The following LRMDA variants were observed in gnomAD, a reference collection of about 807,000 sequenced individuals.
The protein encoded by LRMDA is leucine rich melanocyte differentiation associated.
In LRMDA, 18 loss-of-function variants were observed where a neutral mutation model predicts 29.8. The ratio of observed to expected loss-of-function variants is 0.60; its 90% confidence interval spans 0.42 to 0.90. The LOEUF (loss-of-function observed/expected upper bound fraction) is 0.90. LRMDA is among the 40% of genes least tolerant of loss of function. The probability of loss-of-function intolerance (pLI) is 0.00; values close to 1 mark genes in which losing one functional copy is unlikely to be tolerated. For missense variants in LRMDA, 273 were observed against 273.9 expected, an observed-to-expected ratio of 1.00 and a Z score of 0.02; for synonymous variants, 125 against 109.4, an observed-to-expected ratio of 1.14 and a Z score of -0.89.
At chr10:76,043,969 C>T (rs1026788173) in intron 3 of LRMDA, among the ~76,000 whole-genome samples, 19 of 152,182 alleles carry the variant, frequency 1.2e-4, no homozygotes, top group Admixed American at 1.0e-3. Context: ...TTCCCTCAGT[C>T]GTGTAGGGCC....
chr10:75,523,611 G>A (rs1383867391), intron 2 of LRMDA, among the ~76,000 whole-genome samples: 1 of 152,144 alleles, frequency 6.6e-6, no homozygotes, highest in Non-Finnish European at 1.5e-5. Flanking sequence ...TTAATTTATT[G>A]TCCAAATCAG....
intron 2 of LRMDA, among the ~76,000 whole-genome samples, chr10:75,982,588 C>A (rs775005406): frequency 1.2e-4 from 19 of 152,178 alleles, no homozygotes; most frequent in Non-Finnish European, 2.1e-4. Context: ...TTCTGTAAAG[C>A]AAGCTAAAGG....
intron 5 of LRMDA, 27 bp downstream of exon 5, chr10:76,058,810 C>T: frequency 6.5e-7 from 1 of 1,544,642 alleles, no homozygotes; most frequent in Non-Finnish European, 9.0e-7. Flanking sequence ...CTGTTCTTCA[C>T]AAGGGATTTA....
intron 6 of LRMDA, among the ~76,000 whole-genome samples, chr10:76,508,883 T>G (rs1842983590): frequency 6.6e-6 from 1 of 152,152 alleles, no homozygotes; most frequent in Non-Finnish European, 1.5e-5. Context: ...GAACTACTAT[T>G]TGAACCCAGT....
At chr10:76,091,311 G>C (rs981470786) in intron 5 of LRMDA, among the ~76,000 whole-genome samples, 12 of 150,316 alleles carry the variant, frequency 8.0e-5, no homozygotes, top group South Asian at 4.2e-4. Flanking sequence ...GTGTGTGTGT[G>C]TGTGTGTCTG....
intron 2 of LRMDA, among the ~76,000 whole-genome samples, chr10:75,893,051 G>A (rs1475633997): frequency 6.6e-6 from 1 of 152,172 alleles, no homozygotes; most frequent in Admixed American, 6.5e-5. Context: ...CCTGAGGCTG[G>A]CTTTCAGTAA....
chr10:75,802,420 G>A (rs1843769620), intron 2 of LRMDA, among the ~76,000 whole-genome samples: 1 of 152,064 alleles, frequency 6.6e-6, no homozygotes, highest in Non-Finnish European at 1.5e-5. Context: ...AGCTTTGGGT[G>A]AAGGATTTAC....
intron 5 of LRMDA, among the ~76,000 whole-genome samples, chr10:76,130,763 G>A (rs1430010826): frequency 1.3e-5 from 2 of 152,122 alleles, no homozygotes; most frequent in African/African-American, 4.8e-5. Context: ...GGGTTTAAGC[G>A]ATTCTCCTGC....
At chr10:76,134,958 C>A (rs868491543) in intron 5 of LRMDA, among the ~76,000 whole-genome samples, 1 of 152,074 alleles carries the variant, frequency 6.6e-6, no homozygotes, top group African/African-American at 2.4e-5. Context: ...GGACTCAATA[C>A]CCAGGAGAAT....
At chr10:75,817,486 A>G (rs1844081513) in intron 2 of LRMDA, among the ~76,000 whole-genome samples, 1 of 152,214 alleles carries the variant, frequency 6.6e-6, no homozygotes, top group Non-Finnish European at 1.5e-5. Context: ...TACAGTCTGT[A>G]GAAATGAAGG....
chr10:75,955,247 G>C (rs1846644606), intron 2 of LRMDA, among the ~76,000 whole-genome samples: 1 of 152,200 alleles, frequency 6.6e-6, no homozygotes, highest in South Asian at 2.1e-4. Context: ...GAATTGCTGA[G>C]GTGTCTGTTG....
At chr10:76,352,209 A>G (rs764586957) in intron 6 of LRMDA, among the ~76,000 whole-genome samples, 8 of 152,136 alleles carry the variant, frequency 5.3e-5, no homozygotes, top group Non-Finnish European at 5.9e-5. Flanking sequence ...GAAACCATGG[A>G]GAGTACTGAA....
intron 6 of LRMDA, among the ~76,000 whole-genome samples, chr10:76,379,757 T>C (rs149231498): frequency 7.2e-4 from 110 of 152,294 alleles, no homozygotes; most frequent in African/African-American, 2.6e-3. Flanking sequence ...CTGCTAGCTT[T>C]GGGTTTGGTT....
In LRMDA at chr10:75,881,562, A is replaced by C. The variant is rs542333753; in HGVS notation, c.132-154446A>C. ...CTCTGATTGATGGCTTTTTGCAACC[A>C]ATCAGACGTTTGCATAGGAGTGTAA... On this transcript the variant is annotated intron_variant, in intron 2 of 6. Transcript: ENST00000611255. Among the ~76,000 whole-genome samples, 11 of 152,194 alleles carry C rather than the reference A, an allele frequency of 7.2e-5. No homozygotes were observed. The East Asian group carries it at 1.4e-3, about 19-fold the overall frequency.
rs142341545 is a variant in LRMDA at position 75,626,059 on chromosome 10, G to A, written c.131+187565G>A. Among the ~76,000 whole-genome samples, 453 of 151,496 alleles carry A rather than the reference G, an allele frequency of 3.0e-3. 4 individuals carry two copies. The highest frequency in any genetic ancestry group is 0.01 in the African/African-American group (424 of 41,254). ...TAATTTTTAGTAGAGACGGGGTCTT[G>A]CTATGTTGCCCAAGCTGTTCTCGAA... On this transcript the variant is annotated intron_variant, in intron 2 of 6. Coordinates refer to ENST00000611255, the MANE Select transcript of LRMDA (RefSeq NM_001305581.2).
At chr10:75,936,980 T>G (rs551467434) in intron 2 of LRMDA, among the ~76,000 whole-genome samples, 51 of 152,226 alleles carry the variant, frequency 3.4e-4, no homozygotes, top group Non-Finnish European at 7.1e-4. Context: ...TAAATATTGT[T>G]TATGGACTTA....
At chr10:75,482,422 G>A (rs1844864685) in intron 2 of LRMDA, among the ~76,000 whole-genome samples, 1 of 152,168 alleles carries the variant, frequency 6.6e-6, no homozygotes, top group African/African-American at 2.4e-5. Context: ...ACTGAATTTT[G>A]GTGTAGCTTG....
intron 6 of LRMDA, among the ~76,000 whole-genome samples, chr10:76,514,555 A>G (rs1165570008): frequency 6.6e-6 from 1 of 152,104 alleles, no homozygotes; most frequent in Non-Finnish European, 1.5e-5. Context: ...GAAGGAGCAA[A>G]AGCCTTTGGT....
chr10:75,820,496 C>T (rs1844139178), intron 2 of LRMDA, among the ~76,000 whole-genome samples: 1 of 152,192 alleles, frequency 6.6e-6, no homozygotes, highest in Non-Finnish European at 1.5e-5. Flanking sequence ...CTCTGGGATA[C>T]AGCAACGGCA....
Sources: allele counts gnomAD v4.1 joint callset (sites outside exome capture counted in the v4.1 genomes callset), GRCh38; gene constraint gnomAD v4.1.1; transcripts MANE v1.5; gene names NCBI Gene and HGNC (gene_info 2026-07-23, HGNC 2026-07-21).